Variants in PAQR9 observed in about 807,000 individuals in gnomAD.
PAQR9 encodes progestin and adipoQ receptor family member 9, also known as membrane progestin receptor epsilon.
Under a neutral mutation model 24.0 loss-of-function variants are expected in PAQR9, and 12 were observed. That is an observed-to-expected ratio of 0.50 (90% CI 0.32 to 0.81). The LOEUF is 0.81. PAQR9 is among the 30% of genes least tolerant of loss of function. PAQR9 has a pLI of 0.03. For synonymous variants in PAQR9, 266 were observed against 237.6 expected (o/e 1.12, Z -1.10); for missense variants, 418 against 520.8 (o/e 0.80, Z 1.92).
Position 142,957,558 on chromosome 3 carries a change from G to A in PAQR9, c.*4645C>T, listed in dbSNP as rs150920547. The stretch of plus-strand genomic sequence containing the variant: ...GAGATCTAGCCATTTACCTTCTTAT[G>A]TATGTGATTGGTTTGTTTGTTTGTT... On this transcript the variant is annotated 3_prime_UTR_variant, in exon 1 of 1. Coordinates refer to ENST00000340634, the MANE Select transcript of PAQR9 (RefSeq NM_198504.4). Among the ~76,000 whole-genome samples, 2,233 of 151,936 alleles carry A rather than the reference G, an allele frequency of 0.015. 63 individuals are homozygous for A. Among genetic ancestry groups the A allele is most frequent in the African/African-American group, 0.052 (2,132 of 41,242 alleles).
Sources: allele counts gnomAD v4.1 joint callset (sites outside exome capture counted in the v4.1 genomes callset), GRCh38; gene constraint gnomAD v4.1.1; transcripts MANE v1.5; gene names NCBI Gene and HGNC (gene_info 2026-07-23, HGNC 2026-07-21).